ATP2C1: variants seen among roughly 807,000 people sequenced by gnomAD.
ATP2C1 encodes the protein ATPase secretory pathway Ca2+ transporting 1.
A neutral mutation model predicts 120.5 loss-of-function variants in ATP2C1; 31 were observed. The ratio of observed to expected loss-of-function variants is 0.26; its 90% CI spans 0.19 to 0.35. ATP2C1 has a LOEUF of 0.35. ATP2C1 is among the 10% of genes least tolerant of loss of function. ATP2C1 has a pLI of 1.00. For synonymous variants in ATP2C1, 351 were observed against 358.7 expected (o/e 0.98, Z 0.24); for missense variants, 731 against 1,107.5 (o/e 0.66, Z 4.83).
chr3:130,878,381 T>C (rs2068676103), intron 1 of ATP2C1, among the ~76,000 whole-genome samples: 1 of 152,208 alleles, frequency 6.6e-6, no homozygotes, highest in Non-Finnish European at 1.5e-5. Context: ...ATGTTTTGTG[T>C]ACCCTTTGTT....
chr3:131,015,270 TA>T (rs1230973109), intron 26 of ATP2C1: 1 of 698,658 alleles, frequency 1.4e-6, no homozygotes, highest in African/African-American at 1.8e-5. Flanking sequence ...CAACAGCAAA[TA>T]AAATAGACAA....
At chr3:130,911,837 C>T (rs1262815498) in intron 2 of ATP2C1, among the ~76,000 whole-genome samples, 2 of 144,946 alleles carry the variant, frequency 1.4e-5, no homozygotes, top group Non-Finnish European at 3.0e-5. Context: ...CATCACACTA[C>T]CTGACTTCAA....
exon 1 of ATP2C1, chr3:130,850,716 C>T (rs919659584): frequency 5.2e-5 from 27 of 520,328 alleles, no homozygotes; most frequent in Non-Finnish European, 6.9e-5. Flanking sequence ...GGGAAGTTGT[C>T]GAGCTACAAA....
intron 17 of ATP2C1, 118 bp downstream of exon 17, chr3:130,969,514 A>G: frequency 4.0e-6 from 3 of 759,106 alleles, no homozygotes; most frequent in Non-Finnish European, 7.0e-6. Flanking sequence ...GCTTTAAAGT[A>G]CATGTAATTA....
chr3:130,954,459 G>T (rs1169354271), intron 9 of ATP2C1, among the ~76,000 whole-genome samples: 1 of 151,928 alleles, frequency 6.6e-6, no homozygotes, highest in Non-Finnish European at 1.5e-5. Context: ...ACTAATATAG[G>T]CAAAAAATAG....
At chr3:130,955,159 T>G in intron 10 of ATP2C1, 79 bp downstream of exon 10, 1 of 974,814 alleles carries the variant, frequency 1.0e-6, no homozygotes, top group Middle Eastern at 2.8e-4. Context: ...TTGGATTATT[T>G]TATATACTAT....
chr3:130,888,450 A>G (rs1470033932), intron 1 of ATP2C1, among the ~76,000 whole-genome samples: 2 of 152,106 alleles, frequency 1.3e-5, no homozygotes, highest in African/African-American at 4.8e-5. Context: ...TTTACCTAGA[A>G]CCCCAGAGCA....
At chr3:130,874,831 C>G (rs1466192705) in intron 1 of ATP2C1, among the ~76,000 whole-genome samples, 1 of 152,194 alleles carries the variant, frequency 6.6e-6, no homozygotes, top group Non-Finnish European at 1.5e-5. Flanking sequence ...ACTGCTGCAT[C>G]TAATCCCCAG....
chr3:130,863,249 G>T (rs1287901794), intron 1 of ATP2C1, among the ~76,000 whole-genome samples: 1 of 152,124 alleles, frequency 6.6e-6, no homozygotes, highest in Non-Finnish European at 1.5e-5. Flanking sequence ...TAAATAATAT[G>T]TTGAAGATAT....
intron 1 of ATP2C1, among the ~76,000 whole-genome samples, chr3:130,875,897 T>C (rs1282515822): frequency 6.6e-6 from 1 of 151,538 alleles, no homozygotes; most frequent in Admixed American, 6.6e-5. Flanking sequence ...TTTTTTTTTA[T>C]GTACTTGTTG....
intron 20 of ATP2C1, among the ~76,000 whole-genome samples, chr3:130,984,085 CA>C (rs1284444225): frequency 6.6e-6 from 1 of 152,094 alleles, no homozygotes; most frequent in African/African-American, 2.4e-5. Flanking sequence ...AAGAAACAGG[CA>C]ATTCCATTTT....
chr3:130,991,675 A>G (rs78467794), intron 20 of ATP2C1, among the ~76,000 whole-genome samples: 16,051 of 152,250 alleles, frequency 0.11, 1,182 homozygotes, highest in South Asian at 0.23. Flanking sequence ...AAGATATAGC[A>G]GTGAGGAAAA....
At chr3:130,989,038 G>A (rs2062164328) in intron 20 of ATP2C1, among the ~76,000 whole-genome samples, 1 of 151,932 alleles carries the variant, frequency 6.6e-6, no homozygotes, top group Non-Finnish European at 1.5e-5. Context: ...GGATCATAAG[G>A]TCAGGAGTTC....
At chr3:130,857,458 C>T (rs2067878176) in intron 1 of ATP2C1, among the ~76,000 whole-genome samples, 1 of 152,138 alleles carries the variant, frequency 6.6e-6, no homozygotes, top group Admixed American at 6.5e-5. Flanking sequence ...CAATTCTACC[C>T]CTAAAAAACT....
At chr3:130,867,667 T>C (rs1384241453) in intron 1 of ATP2C1, among the ~76,000 whole-genome samples, 1 of 151,398 alleles carries the variant, frequency 6.6e-6, no homozygotes, top group Non-Finnish European at 1.5e-5. Context: ...CCGCCTGCCT[T>C]GGCCTCCCAA....
chr3:130,873,228 A>G (rs182493091), intron 1 of ATP2C1, among the ~76,000 whole-genome samples: 5 of 152,360 alleles, frequency 3.3e-5, no homozygotes, highest in East Asian at 1.9e-4. Flanking sequence ...ATATTCTCCA[A>G]TAAGGCATTG....
At chr3:130,925,713 C>T (rs2059171416) in intron 2 of ATP2C1, among the ~76,000 whole-genome samples, 1 of 151,346 alleles carries the variant, frequency 6.6e-6, no homozygotes, top group African/African-American at 2.4e-5. Context: ...CTTTGGCTAC[C>T]AGGATGGCTA....
chr3:130,930,437 C>A lies in ATP2C1; in HGVS notation c.28C>A (p.Pro10Thr), dbSNP rs779394828. The change falls in exon 3 of 28, where the codon CCT becomes ACT. Residue 10 changes from proline to threonine, a missense_variant. By Grantham distance (38) the Pro-to-Thr change is conservative. Transcript: ENST00000510168. MKVARFQKI[P>T]NGENETMIPV... ...CTAGGTTGCACGTTTTCAAAAAATA[C>A]CTAATGGTGAAAATGAGACAATGAT... 6.2e-7 allele frequency: 1 copy of A among 1,612,060 alleles called. No homozygotes were observed.
intron 2 of ATP2C1, 93 bp from the exon 3 acceptor site, chr3:130,930,323 T>C (rs776590384): frequency 2.2e-5 from 18 of 816,358 alleles, no homozygotes; most frequent in African/African-American, 5.1e-5. Context: ...ACTGGAAAAT[T>C]AGTTGCTGTG....
Sources: gnomAD v4.1 joint callset for allele counts (sites outside exome capture counted in the v4.1 genomes callset) on GRCh38, gnomAD v4.1.1 for gene constraint, MANE v1.5 for transcripts, NCBI Gene and HGNC (gene_info 2026-07-23, HGNC 2026-07-21) for gene names.